MAP4K3: variants seen among roughly 807,000 people sequenced by gnomAD.
MAP4K3 encodes the protein MAPK/ERK kinase kinase kinase 3.
MAP4K3 carries 94 observed loss-of-function variants against 143.5 expected under a neutral mutation model. That is an observed-to-expected ratio of 0.65 (90% CI 0.55 to 0.78). The LOEUF is 0.78. MAP4K3 is among the 30% of genes least tolerant of loss of function. The pLI, the probability that MAP4K3 is intolerant of heterozygous loss-of-function variation, is 0.00. For synonymous variants in MAP4K3, 416 were observed against 347.2 expected, an observed-to-expected ratio of 1.20 and a Z score of -2.20; for missense variants, 1,077 against 1,068.1, an observed-to-expected ratio of 1.01 and a Z score of -0.12.
intron 8 of MAP4K3, 102 bp from the exon 9 acceptor site, chr2:39,326,379 C>T: frequency 7.8e-7 from 1 of 1,282,274 alleles, no homozygotes; most frequent in East Asian, 2.3e-5. Context: ...ATTAAGGCCT[C>T]TTTAGGCCTT....
chr2:39,327,414 C>G (rs1022068373), intron 8 of MAP4K3, among the ~76,000 whole-genome samples: 2 of 152,146 alleles, frequency 1.3e-5, no homozygotes, highest in African/African-American at 4.8e-5. Flanking sequence ...TTGCTACAGT[C>G]TTATTCTAAT....
intron 6 of MAP4K3, 52 bp downstream of exon 6, chr2:39,336,868 A>G: frequency 1.3e-6 from 1 of 763,188 alleles, no homozygotes; most frequent in Non-Finnish European, 2.0e-6. Context: ...CAATTTGATC[A>G]GAGTATTTAA....
chr2:39,315,438 AG>A, intron 12 of MAP4K3, 50 bp from the exon 13 acceptor site: 1 of 1,277,024 alleles, frequency 7.8e-7, no homozygotes, highest in Middle Eastern at 1.9e-4. Flanking sequence ...ATCAAGTCAT[AG>A]TTTGGTCCAC....
chr2:39,405,564 A>C (rs535558482), intron 1 of MAP4K3, among the ~76,000 whole-genome samples: 3 of 152,184 alleles, frequency 2.0e-5, no homozygotes, highest in African/African-American at 7.2e-5. Flanking sequence ...TGACCTCATC[A>C]AACAAACTAA....
At chr2:39,414,561 G>A (rs1667318225) in intron 1 of MAP4K3, among the ~76,000 whole-genome samples, 1 of 151,924 alleles carries the variant, frequency 6.6e-6, no homozygotes, top group African/African-American at 2.4e-5. Context: ...TGCCTACTAT[G>A]CCTCAATTCT....
Position 39,293,366 on chromosome 2 carries a change from G to T in MAP4K3, c.1179-98C>A, listed in dbSNP as rs1439011118. The T allele has an allele frequency of 7.5e-6, 6 of 799,496 alleles. No homozygotes were observed. The African/African-American group carries it at 1.1e-4, about 14-fold the overall frequency. 49.5% of individuals were successfully genotyped at this position (799,496 alleles called of 1,614,324 possible). ...TTTTAACCTTAACCATACATTTTTT[G>T]AATGATTACTTTTTTACCATTTACT... On this transcript the variant is annotated intron_variant, in intron 16 of 33. Transcript: ENST00000263881.
intron 15 of MAP4K3, among the ~76,000 whole-genome samples, chr2:39,305,508 T>G (rs1027393767): frequency 2.0e-5 from 3 of 152,228 alleles, no homozygotes; most frequent in African/African-American, 7.2e-5. Flanking sequence ...CTTAGAATAA[T>G]GCCTGGTATA....
intron 2 of MAP4K3, among the ~76,000 whole-genome samples, chr2:39,371,870 C>T (rs1477747677): frequency 6.6e-6 from 1 of 150,932 alleles, no homozygotes; most frequent in Non-Finnish European, 1.5e-5. Flanking sequence ...TATATACATC[C>T]TCTTGCTGAA....
At chr2:39,257,221 A>G (rs1376817475) in intron 31 of MAP4K3, among the ~76,000 whole-genome samples, 1 of 152,116 alleles carries the variant, frequency 6.6e-6, no homozygotes, top group Non-Finnish European at 1.5e-5. Context: ...ATCACCATTC[A>G]TTTTCCCAGC....
At chr2:39,277,988 AAC>A in intron 24 of MAP4K3, among the ~76,000 whole-genome samples, 1 of 151,862 alleles carries the variant, frequency 6.6e-6, no homozygotes, top group Non-Finnish European at 1.5e-5. Flanking sequence ...CTCTACTAAA[AAC>A]ACAAAAATTA....
chr2:39,287,849 G>A (rs759950653), intron 20 of MAP4K3, among the ~76,000 whole-genome samples: 2 of 152,114 alleles, frequency 1.3e-5, no homozygotes, highest in East Asian at 1.9e-4. Context: ...TTTCCACACC[G>A]TAGCTAAATG....
At chr2:39,404,133 G>C (rs1037824585) in intron 1 of MAP4K3, among the ~76,000 whole-genome samples, 21 of 152,096 alleles carry the variant, frequency 1.4e-4, no homozygotes, top group African/African-American at 4.6e-4. Context: ...CTGGCTTCAA[G>C]TGAAAACCAG....
At chr2:39,369,132 A>G (rs1037842005) in intron 2 of MAP4K3, among the ~76,000 whole-genome samples, 3 of 152,114 alleles carry the variant, frequency 2.0e-5, no homozygotes, top group South Asian at 2.1e-4. Context: ...CCATGTTACT[A>G]ACCTGTAAAA....
rs139727570 is a variant in MAP4K3 at position 39,299,809 on chromosome 2, T to C, written c.1120-8A>G. ...ATATTCCAGTTGCAGATCCTAATAGTACAAAATAAAATATTTAGCACAATA... is the reference window on the plus strand; with the variant it reads ...ATATTCCAGTTGCAGATCCTAATAGCACAAAATAAAATATTTAGCACAATA... On this transcript the variant is annotated splice_region_variant and splice_polypyrimidine_tract_variant and intron_variant, in intron 15 of 33. Coordinates refer to ENST00000263881, the MANE Select transcript of MAP4K3 (RefSeq NM_003618.4). 3,624 of 1,527,172 alleles carry C rather than the reference T, an allele frequency of 2.4e-3. 9 individuals carry two copies. The highest frequency in any genetic ancestry group is 3.9e-3 in the Admixed American group (199 of 51,246). The allele number at this position is 1,527,172 out of a possible 1,614,324, so 94.6% of individuals were successfully genotyped here. A position where few individuals can be genotyped will look rare whatever the true frequency, so the allele number is the denominator to read the frequency against.
At chr2:39,272,657 T>C in intron 24 of MAP4K3, 115 bp from the exon 25 acceptor site, 1 of 724,290 alleles carries the variant, frequency 1.4e-6, no homozygotes, top group Non-Finnish European at 2.3e-6. Flanking sequence ...AAAAGTAAAT[T>C]ATTTTTAACA....
intron 13 of MAP4K3, among the ~76,000 whole-genome samples, chr2:39,311,490 A>T (rs536444342): frequency 6.6e-6 from 1 of 152,190 alleles, no homozygotes; most frequent in East Asian, 1.9e-4. Context: ...GGTATTCAAA[A>T]TGCTTCCACA....
At chr2:39,434,174 G>A (rs141923957) in intron 1 of MAP4K3, among the ~76,000 whole-genome samples, 161 of 152,186 alleles carry the variant, frequency 1.1e-3, no homozygotes, top group African/African-American at 3.6e-3. Context: ...TTTTTAGCAC[G>A]TAAATGCTGA....
At chr2:39,298,118 A>G (rs965229806) in intron 16 of MAP4K3, among the ~76,000 whole-genome samples, 5 of 152,160 alleles carry the variant, frequency 3.3e-5, no homozygotes, top group Non-Finnish European at 5.9e-5. Context: ...AAAATTTACT[A>G]ACAAGGACCT....
chr2:39,293,613 C>T (rs1468902), intron 16 of MAP4K3, among the ~76,000 whole-genome samples: 134,034 of 152,140 alleles, frequency 0.88, 59,236 homozygotes, highest in Non-Finnish European at 0.91. Context: ...AGCCAGGAGT[C>T]TCCAGGATTC....
Sources: gnomAD v4.1 joint callset for allele counts (sites outside exome capture counted in the v4.1 genomes callset) on GRCh38, gnomAD v4.1.1 for gene constraint, MANE v1.5 for transcripts, NCBI Gene and HGNC (gene_info 2026-07-23, HGNC 2026-07-21) for gene names.